Variants in AGBL1 observed in about 807,000 individuals in gnomAD.
AGBL1 encodes cytosolic carboxypeptidase 4.
Under a neutral mutation model 118.9 loss-of-function variants are expected in AGBL1, and 130 were observed. The observed-to-expected ratio is 1.09, with a 90% CI of 0.95 to 1.26. The LOEUF (loss-of-function observed/expected upper bound fraction) is 1.26. Ranked by LOEUF, AGBL1 falls within the 50% of genes most tolerant of loss-of-function variation. The pLI is 0.00. For missense variants in AGBL1, 1,584 were observed against 1,298.1 expected (o/e 1.22, Z -3.38); for synonymous variants, 555 against 478.9 (o/e 1.16, Z -2.08).
intron 18 of AGBL1, among the ~76,000 whole-genome samples, chr15:86,401,942 G>C (rs1467080991): frequency 1.3e-5 from 2 of 151,656 alleles, no homozygotes; most frequent in Admixed American, 6.6e-5. Flanking sequence ...CTCTTTTTTT[G>C]GTTTCATATG....
At chr15:86,511,560 G>A (rs55972610) in intron 18 of AGBL1, among the ~76,000 whole-genome samples, 66,155 of 151,780 alleles carry the variant, frequency 0.44, 15,508 homozygotes, top group East Asian at 0.68. Context: ...GTGACCTTAG[G>A]CAGGTTACTT....
At chr15:86,111,503 C>T (rs1396759569) in intron 1 of AGBL1, among the ~76,000 whole-genome samples, 1 of 152,152 alleles carries the variant, frequency 6.6e-6, no homozygotes, top group Non-Finnish European at 1.5e-5. Context: ...GAGGCTGACA[C>T]ACAGGCAAGG....
intron 17 of AGBL1, among the ~76,000 whole-genome samples, chr15:86,352,841 A>C (rs898718337): frequency 2.0e-5 from 3 of 152,118 alleles, no homozygotes; most frequent in Admixed American, 2.0e-4. Context: ...AAGGATTAGC[A>C]CTTTATTTCT....
chr15:86,270,698 A>G (rs1438416271), intron 14 of AGBL1, among the ~76,000 whole-genome samples: 2 of 152,208 alleles, frequency 1.3e-5, no homozygotes, highest in Non-Finnish European at 1.5e-5. Flanking sequence ...TAGTGACTAA[A>G]CAGATTCCTG....
intron 18 of AGBL1, among the ~76,000 whole-genome samples, chr15:86,443,732 A>G (rs2082090379): frequency 6.6e-6 from 1 of 152,172 alleles, no homozygotes; most frequent in African/African-American, 2.4e-5. Flanking sequence ...TATTTTACCA[A>G]ACATAGTGTC....
chr15:86,795,647 C>T (rs937002860), intron 22 of AGBL1, among the ~76,000 whole-genome samples: 19 of 150,346 alleles, frequency 1.3e-4, no homozygotes, highest in African/African-American at 3.7e-4. Context: ...TGCAATGGCG[C>T]GATCTCAGTT....
chr15:86,261,489 C>G (rs1000738392), intron 9 of AGBL1, among the ~76,000 whole-genome samples: 3 of 152,198 alleles, frequency 2.0e-5, no homozygotes, highest in African/African-American at 7.2e-5. Flanking sequence ...ATAGATGGAA[C>G]ATTGCATTTT....
At chr15:86,253,979 A>C (rs2078856696) in intron 7 of AGBL1, among the ~76,000 whole-genome samples, 1 of 152,208 alleles carries the variant, frequency 6.6e-6, no homozygotes, top group Non-Finnish European at 1.5e-5. Flanking sequence ...AAGGAGAGTA[A>C]GGGGAGGAAT....
chr15:86,785,032 T>C (rs927875389), intron 22 of AGBL1, among the ~76,000 whole-genome samples: 4 of 152,204 alleles, frequency 2.6e-5, no homozygotes, highest in African/African-American at 9.6e-5. Context: ...AGAGGAAGGC[T>C]GTACTTTCTC....
chr15:86,987,926 A>G, intron 23 of AGBL1: 1 of 1,566,888 alleles, frequency 6.4e-7, no homozygotes, highest in Non-Finnish European at 8.6e-7. Context: ...ATCTATAATA[A>G]TATGTGACAC....
intron 21 of AGBL1, among the ~76,000 whole-genome samples, chr15:86,592,519 T>TGG (rs1354905695): frequency 4.6e-5 from 7 of 152,214 alleles, no homozygotes; most frequent in Non-Finnish European, 8.8e-5. Context: ...ATTTTTCCCT[T>TGG]GGGGTGCACT....
intron 5 of AGBL1, among the ~76,000 whole-genome samples, chr15:86,172,617 C>T (rs1483179854): frequency 1.3e-5 from 2 of 152,132 alleles, no homozygotes; most frequent in East Asian, 1.9e-4. Context: ...GTCTGTGTCT[C>T]GCTTATTTCA....
At chr15:86,532,647 C>A (rs1238397468) in intron 19 of AGBL1, among the ~76,000 whole-genome samples, 1 of 150,272 alleles carries the variant, frequency 6.7e-6, no homozygotes, top group Non-Finnish European at 1.5e-5. Flanking sequence ...GAGCCCGCAT[C>A]GCCAAGTCAA....
exon 25 of AGBL1, chr15:87,029,006 G>GAAAAC: frequency 1.6e-6 from 1 of 638,378 alleles, no homozygotes; most frequent in Admixed American, 3.0e-5. Flanking sequence ...ACCTCCATAA[G>GAAAAC]AAAACATAAG....
intron 23 of AGBL1, among the ~76,000 whole-genome samples, chr15:86,965,592 T>G (rs1208152122): frequency 2.0e-5 from 3 of 152,140 alleles, no homozygotes; most frequent in South Asian, 2.1e-4. Flanking sequence ...GCCTGTTCAC[T>G]CTGATGATGG....
At chr15:86,487,751 A>T (rs545234255) in intron 18 of AGBL1, among the ~76,000 whole-genome samples, 16 of 152,228 alleles carry the variant, frequency 1.1e-4, no homozygotes, top group African/African-American at 3.8e-4. Context: ...ACAACGCTGC[A>T]CTGAATGTTG....
At chr15:86,560,444 C>G (rs1054670309) in intron 21 of AGBL1, among the ~76,000 whole-genome samples, 1 of 152,176 alleles carries the variant, frequency 6.6e-6, no homozygotes, top group African/African-American at 2.4e-5. Flanking sequence ...CCAGCTTCAT[C>G]CATGTCCCTA....
chr15:86,514,814 A>G (rs932427992), intron 18 of AGBL1, among the ~76,000 whole-genome samples: 18 of 152,112 alleles, frequency 1.2e-4, no homozygotes, highest in African/African-American at 3.6e-4. Flanking sequence ...GAATAAATGC[A>G]TGTTTATTGT....
intron 22 of AGBL1, among the ~76,000 whole-genome samples, chr15:86,872,579 C>A (rs1036879231): frequency 1.3e-5 from 2 of 152,038 alleles, no homozygotes; most frequent in Non-Finnish European, 2.9e-5. Flanking sequence ...TGTGGTGAAA[C>A]CCTGTCTCTA....
Sources: allele counts gnomAD v4.1 joint callset (sites outside exome capture counted in the v4.1 genomes callset), GRCh38; gene constraint gnomAD v4.1.1; transcripts MANE v1.5; gene names NCBI Gene and HGNC (gene_info 2026-07-23, HGNC 2026-07-21).